The following RBFOX1 variants were observed in gnomAD, a reference collection of about 807,000 sequenced individuals.
RBFOX1 encodes RNA binding fox-1 homolog 1, also known as RNA binding protein fox-1 homolog 1.
A neutral mutation model predicts 57.7 loss-of-function variants in RBFOX1; 8 were observed. That is an observed-to-expected ratio of 0.14 (90% confidence interval 0.08 to 0.25). The LOEUF is 0.25. Ranked by LOEUF, RBFOX1 falls within the 10% of genes least tolerant of loss-of-function variation. The probability of loss-of-function intolerance (pLI) is 1.00; values close to 1 mark genes in which losing one functional copy is unlikely to be tolerated. For synonymous variants in RBFOX1, 326 were observed against 222.4 expected (o/e 1.47, Z -4.15); for missense variants, 611 against 548.5 (o/e 1.11, Z -1.14).
Position 7,518,281 on chromosome 16 carries a change from C to T in RBFOX1, c.162C>T (p.Gly54=). 1 of 1,614,174 alleles carries T rather than the reference C, an allele frequency of 6.2e-7. No homozygotes were observed. The change falls in exon 5 of 16, where the codon GGC becomes GGT. Residue 54 remains glycine (G), a synonymous_variant. Coordinates refer to ENST00000550418, the MANE Select transcript of RBFOX1 (RefSeq NM_018723.4). The part of the protein sequence containing the change: ...PHPHPAPEYT[G]QTTVPEHTLN... ...CCCACCCCGCGCCAGAGTACACAGG[C>T]CAGACCACGGTTCCCGAGCACACAT...
intron 2 of RBFOX1, among the ~76,000 whole-genome samples, chr16:6,498,388 G>A (rs809702): frequency 0.26 from 38,911 of 151,968 alleles, 5,689 homozygotes; most frequent in East Asian, 0.43. Flanking sequence ...ATTGTATTTC[G>A]TTAATAGAGG....
intron 4 of RBFOX1, among the ~76,000 whole-genome samples, chr16:7,474,391 A>T (rs568430175): frequency 6.6e-6 from 1 of 152,220 alleles, no homozygotes; most frequent in South Asian, 2.1e-4. Context: ...TCCCCAGTGC[A>T]CTTCACCTTC....
chr16:6,122,660 C>T (rs1487975152), intron 1 of RBFOX1, among the ~76,000 whole-genome samples: 1 of 152,024 alleles, frequency 6.6e-6, no homozygotes, highest in East Asian at 1.9e-4. Context: ...TGAGTCAGCA[C>T]CCTGGGGCTC....
Position 5,452,261 on chromosome 16 carries a change from G to T in RBFOX1, c.220-14955G>T, listed in dbSNP as rs576445381. 4.6e-5 allele frequency among the ~76,000 whole-genome samples: 7 copies of T among 151,868 alleles called. No homozygotes were observed. The South Asian group carries it at 1.5e-3, about 32-fold the overall frequency. On this transcript the variant is annotated intron_variant, in intron 1 of 2. Transcript: ENST00000585867. ...AGCTTCCCAAGTAGCTGGGATTACA[G>T]GCATGCACCACCACGCCCAGCTAAT...
chr16:5,748,154 G>C (rs2053058106), intron 3 of RBFOX1, among the ~76,000 whole-genome samples: 1 of 152,160 alleles, frequency 6.6e-6, no homozygotes, highest in African/African-American at 2.4e-5. Flanking sequence ...TTCAGGAGCA[G>C]GTTGTTCAGT....
At chr16:6,998,597 G>C (rs890593452) in intron 3 of RBFOX1, among the ~76,000 whole-genome samples, 2 of 152,148 alleles carry the variant, frequency 1.3e-5, no homozygotes, top group African/African-American at 4.8e-5. Context: ...TTATATCATT[G>C]TGATCGATGA....
At chr16:6,776,129 G>A (rs1449511354) in intron 3 of RBFOX1, 2 of 152,760 alleles carry the variant, frequency 1.3e-5, no homozygotes, top group Non-Finnish European at 2.9e-5. Context: ...AGAATACACT[G>A]GGCTGGGCGT....
chr16:6,000,653 G>T (rs1451142326), intron 4 of RBFOX1, among the ~76,000 whole-genome samples: 4 of 151,972 alleles, frequency 2.6e-5, no homozygotes, highest in South Asian at 2.1e-4. Flanking sequence ...GGATGAAAGG[G>T]TAGGTGGATG....
intron 14 of RBFOX1, chr16:7,693,432 T>TTTTTC: frequency 7.7e-7 from 1 of 1,296,648 alleles, no homozygotes; most frequent in South Asian, 1.3e-5. Flanking sequence ...TTTTTTTTTT[T>TTTTTC]TTCTTCTTCA....
At chr16:5,835,394 A>G (rs1433236083) in intron 3 of RBFOX1, among the ~76,000 whole-genome samples, 1 of 152,214 alleles carries the variant, frequency 6.6e-6, no homozygotes, top group Admixed American at 6.5e-5. Flanking sequence ...GGTGCTACAC[A>G]TCTGGATTCA....
chr16:7,140,121 T>C (rs2073268193), intron 4 of RBFOX1, among the ~76,000 whole-genome samples: 1 of 150,914 alleles, frequency 6.6e-6, no homozygotes, highest in Non-Finnish European at 1.5e-5. Context: ...TGCATGAAAC[T>C]AATTCATTCT....
At chr16:6,828,153 A>G (rs1338075335) in intron 3 of RBFOX1, among the ~76,000 whole-genome samples, 1 of 152,168 alleles carries the variant, frequency 6.6e-6, no homozygotes, top group Non-Finnish European at 1.5e-5. Flanking sequence ...TTAAGGAGGA[A>G]GGCCAGTGAC....
chr16:6,773,565 TGTGTGG>T (rs2078799017), intron 3 of RBFOX1, among the ~76,000 whole-genome samples: 1 of 146,448 alleles, frequency 6.8e-6, no homozygotes, highest in Admixed American at 6.8e-5. Flanking sequence ...TGTGTGTGTA[TGTGTGG>T]GTGTGGGGTG....
At chr16:7,606,073 A>T (rs2095272833) in intron 9 of RBFOX1, among the ~76,000 whole-genome samples, 1 of 150,986 alleles carries the variant, frequency 6.6e-6, no homozygotes, top group Non-Finnish European at 1.5e-5. Context: ...GGCCTCTCAA[A>T]GTGGTAGGAT....
At chr16:7,459,063 T>G (rs1263069524) in intron 4 of RBFOX1, among the ~76,000 whole-genome samples, 1 of 151,936 alleles carries the variant, frequency 6.6e-6, no homozygotes. Context: ...ATGAATGCAA[T>G]AGATGGATGG....
intron 1 of RBFOX1, among the ~76,000 whole-genome samples, chr16:6,056,311 G>A (rs750911710): frequency 7.2e-5 from 11 of 152,170 alleles, no homozygotes; most frequent in South Asian, 2.1e-4. Flanking sequence ...TTTCAAGTGA[G>A]GTTTTGGAAT....
At chr16:6,816,525 G>A (rs550789256) in intron 3 of RBFOX1, among the ~76,000 whole-genome samples, 1 of 151,548 alleles carries the variant, frequency 6.6e-6, no homozygotes, top group South Asian at 2.1e-4. Flanking sequence ...ACAGATCACA[G>A]GATCAGGAGA....
chr16:6,884,192 G>C (rs2063508676), intron 3 of RBFOX1, among the ~76,000 whole-genome samples: 1 of 152,194 alleles, frequency 6.6e-6, no homozygotes, highest in Non-Finnish European at 1.5e-5. Context: ...CACAGGGCAT[G>C]CTTCCTGGCT....
intron 1 of RBFOX1, among the ~76,000 whole-genome samples, chr16:6,238,528 C>T (rs929248996): frequency 2.6e-5 from 4 of 152,108 alleles, no homozygotes; most frequent in Non-Finnish European, 4.4e-5. Context: ...AAACCCTATC[C>T]GTAGCTTTCA....
Sources: allele counts gnomAD v4.1 joint callset (sites outside exome capture counted in the v4.1 genomes callset), GRCh38; gene constraint gnomAD v4.1.1; transcripts MANE v1.5; gene names NCBI Gene and HGNC (gene_info 2026-07-23, HGNC 2026-07-21).